BMP3: variants seen among roughly 807,000 people sequenced by gnomAD.
BMP3 encodes bone morphogenetic protein 3 (osteogenic).
In BMP3, 23 loss-of-function variants were observed where a neutral mutation model predicts 38.1. The observed-to-expected ratio is 0.60, with a 90% CI of 0.43 to 0.86. BMP3 has a LOEUF of 0.86. Ranked by LOEUF, BMP3 falls within the 40% of genes least tolerant of loss-of-function variation. The probability of loss-of-function intolerance (pLI) is 0.00; values close to 1 mark genes in which losing one functional copy is unlikely to be tolerated. For missense variants in BMP3, 628 were observed against 579.6 expected (o/e 1.08, Z -0.86); for synonymous variants, 258 against 225.7 (o/e 1.14, Z -1.28).
chr4:81,033,803 G>A lies in BMP3; in HGVS notation c.316+2203G>A, dbSNP rs1739842769. Among the ~76,000 whole-genome samples, 2 of 152,154 alleles carry A rather than the reference G, an allele frequency of 1.3e-5. 1 individual carries two copies. The highest frequency in any genetic ancestry group is 1.3e-4 in the Admixed American group (2 of 15,282). ...TTTCCATAACACCCTTTCACCTTGT[G>A]ACATATGTTCCCTTGTAGGTGAAAG... On this transcript the variant is annotated intron_variant, in intron 1 of 2. Coordinates refer to ENST00000282701, the MANE Select transcript of BMP3 (RefSeq NM_001201.5).
At chr4:81,048,330 T>A (rs957726944) in intron 2 of BMP3, among the ~76,000 whole-genome samples, 3 of 152,222 alleles carry the variant, frequency 2.0e-5, no homozygotes, top group Admixed American at 2.0e-4. Flanking sequence ...GGTTTCAATA[T>A]CTGTCTTTAA....
At chr4:81,040,885 A>G (rs1253809027) in intron 1 of BMP3, among the ~76,000 whole-genome samples, 1 of 152,166 alleles carries the variant, frequency 6.6e-6, no homozygotes, top group Non-Finnish European at 1.5e-5. Context: ...TCATTATTAT[A>G]TCGGTTTGCT....
At position 81,045,924 on chromosome 4, in the gene BMP3, G is replaced by T; in HGVS notation, c.503G>T (p.Trp168Leu). Reference protein sequence around the residue: ...RKHIQIDLSAWTLKFSRNQSQ... With the variant: ...RKHIQIDLSALTLKFSRNQSQ... Reference sequence around the variant, plus strand: ...CACATTCAGATTGATCTTTCTGCATGGACCCTCAAATTCAGCAGAAACCAA... The same window carrying T: ...CACATTCAGATTGATCTTTCTGCATTGACCCTCAAATTCAGCAGAAACCAA... Residue 168 changes from tryptophan to leucine, a missense_variant, in exon 2 of 3, where the codon TGG (tryptophan) becomes TTG (leucine). Physicochemically the swap from Trp to Leu is moderately conservative, Grantham distance 61. Transcript: ENST00000282701. The T allele has an allele frequency of 6.2e-7, 1 of 1,614,028 alleles. No homozygotes were observed. Among genetic ancestry groups the T allele is most frequent in the Admixed American group, 1.7e-5 (1 of 59,984 alleles).
rs143550047 is a variant in BMP3 at position 81,035,058 on chromosome 4, T to C, written c.316+3458T>C. ...ACTTGGATAATCTGATGTTTTCATT[T>C]AAAGGACAATAGTACATCTGGGGAA... On this transcript the variant is annotated intron_variant, in intron 1 of 2. Transcript: ENST00000282701. 4.8e-3 allele frequency among the ~76,000 whole-genome samples: 729 copies of C among 152,234 alleles called. 19 individuals are homozygous for C. Among genetic ancestry groups the C allele is most frequent in the Admixed American group, 0.045 (680 of 15,280 alleles).
chr4:81,039,422 C>T (rs1436780527), intron 1 of BMP3, among the ~76,000 whole-genome samples: 3 of 152,136 alleles, frequency 2.0e-5, no homozygotes, highest in Admixed American at 6.5e-5. Context: ...CCCTTGCAAA[C>T]GTTCTGTGTG....
At chr4:81,033,675 A>C (rs1739838752) in intron 1 of BMP3, among the ~76,000 whole-genome samples, 1 of 152,128 alleles carries the variant, frequency 6.6e-6, no homozygotes, top group Non-Finnish European at 1.5e-5. Context: ...TTACTAACAC[A>C]CTAAAAAGAC....
chr4:81,036,018 A>C (rs1739914219), intron 1 of BMP3, among the ~76,000 whole-genome samples: 1 of 151,924 alleles, frequency 6.6e-6, no homozygotes, highest in South Asian at 2.1e-4. Flanking sequence ...CTTGGGTTCA[A>C]TTGGCATTGT....
At position 81,031,357 on chromosome 4, in the gene BMP3, C is replaced by G. The variant is rs1226365937; in HGVS notation, c.73C>G (p.Pro25Ala). ...FCVSLAQGER[P>A]KPPFPELRKA... The stretch of plus-strand genomic sequence containing the variant: ...CGTGAGCCTGGCGCAGGGAGAGAGA[C>G]CGAAGCCACCTTTCCCGGAGCTCCG... Residue 25 changes from proline to alanine, a missense_variant, in exon 1 of 3, where the codon CCG becomes GCG. Physicochemically the swap from Pro to Ala is conservative, Grantham distance 27. Coordinates refer to ENST00000282701, the MANE Select transcript of BMP3 (RefSeq NM_001201.5). 1.9e-6 allele frequency: 3 copies of G among 1,612,716 alleles called. No individual in the cohort carries two copies. The African/African-American group carries it at 4.0e-5, about 22-fold the overall frequency.
Position 81,054,306 on chromosome 4 carries a change from A to AT in BMP3, c.*771dup, listed in dbSNP as rs1171601282. The AT allele has an allele frequency of 6.6e-6, 1 of 152,628 alleles. No individual in the cohort carries two copies. The highest frequency in any genetic ancestry group is 2.4e-5 in the African/African-American group (1 of 41,458). 9.5% of individuals were successfully genotyped at this position (152,628 alleles called of 1,614,324 possible). A position where few individuals can be genotyped will look rare whatever the true frequency, so the allele number is the denominator to read the frequency against. ...ACTTGACCCAGCTATTTAATTGCAA[A>AT]TACAGTTGTTTTCATTTCATTTCCT... is the stretch of plus-strand genomic sequence containing the variant. On this transcript the variant is annotated 3_prime_UTR_variant, in exon 3 of 3. Coordinates refer to ENST00000282701, the MANE Select transcript of BMP3 (RefSeq NM_001201.5).
chr4:81,054,308 A>G lies in BMP3; in HGVS notation c.*772A>G, dbSNP rs1290966012. On this transcript the variant is annotated 3_prime_UTR_variant, in exon 3 of 3. Coordinates refer to ENST00000282701, the MANE Select transcript of BMP3 (RefSeq NM_001201.5). ...TTGACCCAGCTATTTAATTGCAAAT[A>G]CAGTTGTTTTCATTTCATTTCCTAC... The G allele has an allele frequency of 1.3e-5, 2 of 152,764 alleles. No homozygotes were observed. The highest frequency in any genetic ancestry group is 2.1e-4 in the South Asian group (1 of 4,828). 9.5% of individuals were successfully genotyped at this position (152,764 alleles called of 1,614,324 possible).
chr4:81,053,314 A>G (rs754234046), intron 2 of BMP3, 31 bp from the exon 3 acceptor site: 5 of 1,490,722 alleles, frequency 3.4e-6, no homozygotes, highest in Non-Finnish European at 3.6e-6. Context: ...TCCACCTAAC[A>G]TATGTGTTCT....
chr4:81,041,428 G>A (rs1005439412), intron 1 of BMP3, among the ~76,000 whole-genome samples: 2 of 152,158 alleles, frequency 1.3e-5, no homozygotes, highest in Non-Finnish European at 2.9e-5. Context: ...TTTGTGAAAT[G>A]GCTGATAATT....
intron 2 of BMP3, among the ~76,000 whole-genome samples, chr4:81,050,591 C>T (rs192516560): frequency 2.0e-5 from 3 of 151,472 alleles, no homozygotes; most frequent in Admixed American, 6.6e-5. Flanking sequence ...AGAATCTAAA[C>T]ACTTTGAACC....
At chr4:81,043,100 A>G (rs1740122703) in intron 1 of BMP3, among the ~76,000 whole-genome samples, 1 of 152,232 alleles carries the variant, frequency 6.6e-6, no homozygotes, top group Non-Finnish European at 1.5e-5. Context: ...CCACATCTTT[A>G]TAAAAATGTT....
At chr4:81,040,375 C>T (rs1200316093) in intron 1 of BMP3, among the ~76,000 whole-genome samples, 1 of 152,178 alleles carries the variant, frequency 6.6e-6, no homozygotes, top group Non-Finnish European at 1.5e-5. Flanking sequence ...ATAAAAACAT[C>T]CTCCTGTAAT....
Position 81,055,400 on chromosome 4 carries a change from G to A in BMP3, c.*1864G>A, listed in dbSNP as rs1432374933. ...GAGACACACCAGTTCTAAAAAAAAT[G>A]AGTGAAGTTCTGGTGCCTGAGTTAC... is the stretch of plus-strand genomic sequence containing the variant. On this transcript the variant is annotated 3_prime_UTR_variant, in exon 3 of 3. Coordinates refer to ENST00000282701, the MANE Select transcript of BMP3 (RefSeq NM_001201.5). 1 of 152,164 alleles carries A rather than the reference G, an allele frequency of 6.6e-6. No individual in the cohort carries two copies. The highest frequency in any genetic ancestry group is 1.9e-4 in the East Asian group (1 of 5,196). The allele number at this position is 152,164 out of a possible 1,614,324, so 9.4% of individuals were successfully genotyped here.
intron 1 of BMP3, 24 bp from the exon 2 acceptor site, chr4:81,045,714 A>G: frequency 6.6e-7 from 1 of 1,524,734 alleles, no homozygotes; most frequent in Non-Finnish European, 8.9e-7. Flanking sequence ...TCTCCTGTTT[A>G]CTCTCTTTCT....
At chr4:81,045,420 C>A (rs1214588606) in intron 1 of BMP3, among the ~76,000 whole-genome samples, 2 of 151,614 alleles carry the variant, frequency 1.3e-5, no homozygotes, top group Non-Finnish European at 1.5e-5. Flanking sequence ...TTTTCACTTT[C>A]TTGACAATGT....
At chr4:81,036,752 A>C (rs1182291075) in intron 1 of BMP3, among the ~76,000 whole-genome samples, 1 of 152,054 alleles carries the variant, frequency 6.6e-6, no homozygotes, top group African/African-American at 2.4e-5. Flanking sequence ...AATGTAACCC[A>C]AAAAGCTTTC....
Sources: gnomAD v4.1 joint callset for allele counts (sites outside exome capture counted in the v4.1 genomes callset) on GRCh38, gnomAD v4.1.1 for gene constraint, MANE v1.5 for transcripts, NCBI Gene and HGNC (gene_info 2026-07-23, HGNC 2026-07-21) for gene names.